Variants in QSER1 observed in about 807,000 individuals in gnomAD.
QSER1 encodes the protein glutamine and serine rich 1, also known as glutamine and serine-rich protein 1.
In QSER1, 49 loss-of-function variants were observed where a neutral mutation model predicts 158.5. That is an observed-to-expected ratio of 0.31 (90% CI 0.25 to 0.39). The LOEUF is 0.39. QSER1 is among the 10% of genes least tolerant of loss of function. The pLI is 1.00. For missense variants in QSER1, 1,754 were observed against 2,010.3 expected (o/e 0.87, Z 2.44); for synonymous variants, 650 against 715.5 (o/e 0.91, Z 1.46).
At position 32,934,922 on chromosome 11, in the gene QSER1, C is replaced by T. The variant is rs1852122072; in HGVS notation, c.3664C>T (p.Leu1222=). 3 of 1,613,582 alleles carry T rather than the reference C, an allele frequency of 1.9e-6. No homozygotes were observed. The highest frequency in any genetic ancestry group is 2.7e-5 in the African/African-American group (2 of 74,854). ...KEEDNSNQKQ[L]KRPAQGKRQN... The stretch of plus-strand genomic sequence containing the variant: ...GGAAGACAACAGTAATCAGAAACAG[C>T]TGAAAAGACCTGCCCAAGGCAAACG... Residue 1222 remains leucine (L), a synonymous_variant, in exon 4 of 13, where the codon CTG becomes TTG. Coordinates refer to ENST00000650167, the MANE Select transcript of QSER1 (RefSeq NM_001076786.3).
At chr11:32,971,485 T>C (rs1035583992) in intron 10 of QSER1, among the ~76,000 whole-genome samples, 2 of 152,222 alleles carry the variant, frequency 1.3e-5, no homozygotes, top group African/African-American at 4.8e-5. Context: ...TCATCTCCAC[T>C]GACTTAGTGT....
Position 32,933,821 on chromosome 11 carries a change from C to G in QSER1, c.2563C>G (p.Leu855Val). Residue 855 changes from leucine to valine, a missense_variant, in exon 4 of 13, where the codon CTT becomes GTT. By Grantham distance (32) the Leu-to-Val change is conservative. Around this residue, in one of 2 missense-constraint regions of QSER1, gnomAD observed 1,707 missense variants for 1,919.6 expected, o/e 0.89. Coordinates refer to ENST00000650167, the MANE Select transcript of QSER1 (RefSeq NM_001076786.3). Reference sequence around the variant, plus strand: ...GGCATCTCTTCCTAATACACAGGTCCTTTTAGATTCTGCCTGTGATTTACA... The same window carrying G: ...GGCATCTCTTCCTAATACACAGGTCGTTTTAGATTCTGCCTGTGATTTACA... ...HQASLPNTQV[L>V]LDSACDLQIL... 6.2e-7 allele frequency: 1 copy of G among 1,613,608 alleles called. No homozygotes were observed. The highest frequency in any genetic ancestry group is 8.5e-7 in the Non-Finnish European group (1 of 1,179,858).
intron 1 of QSER1, among the ~76,000 whole-genome samples, chr11:32,905,769 G>A (rs181608621): frequency 6.6e-6 from 1 of 152,172 alleles, no homozygotes; most frequent in Admixed American, 6.6e-5. Context: ...TAGTATACCA[G>A]CTAATTAATC....
At chr11:32,971,920 G>A (rs1325290251) in intron 10 of QSER1, among the ~76,000 whole-genome samples, 3 of 151,868 alleles carry the variant, frequency 2.0e-5, no homozygotes, top group Non-Finnish European at 4.4e-5. Context: ...AAAATTAGCC[G>A]GGCGTGGTGT....
intron 12 of QSER1, among the ~76,000 whole-genome samples, chr11:32,976,024 A>G (rs1052338020): frequency 2.6e-5 from 4 of 152,330 alleles, no homozygotes; most frequent in Admixed American, 2.6e-4. Context: ...AGCAAAAGAG[A>G]AAGCAAAGAT....
rs1853015405 is a variant in QSER1 at position 32,978,549 on chromosome 11, A to G, written c.*2075A>G. ...ATCGATGTTTGAATTCACTAGCCAC[A>G]TTTTCTTCATGATATGCCTCGTGGC... On this transcript the variant is annotated 3_prime_UTR_variant, in exon 13 of 13. Coordinates refer to ENST00000650167, the MANE Select transcript of QSER1 (RefSeq NM_001076786.3). The G allele has an allele frequency of 6.6e-6, 1 of 152,190 alleles. No homozygotes were observed. Among genetic ancestry groups the G allele is most frequent in the Non-Finnish European group, 1.5e-5 (1 of 68,034 alleles). The allele number at this position is 152,190 out of a possible 1,614,324, so 9.4% of individuals were successfully genotyped here. A position where few individuals can be genotyped will look rare whatever the true frequency, so the allele number is the denominator to read the frequency against.
chr11:32,955,843 T>A (rs1852501816), intron 6 of QSER1, 145 bp from the exon 7 acceptor site: 1 of 640,578 alleles, frequency 1.6e-6, no homozygotes, highest in Non-Finnish European at 2.7e-6. Context: ...GAGCCTGGGA[T>A]CAGTTTTTGA....
Position 32,928,053 on chromosome 11 carries a change from C to T in QSER1, c.414C>T (p.Ser138=). The change falls in exon 3 of 13, where the codon TCC becomes TCT. Residue 138 remains serine (S), a synonymous_variant. Coordinates refer to ENST00000650167, the MANE Select transcript of QSER1 (RefSeq NM_001076786.3). The part of the protein sequence containing the change: ...SVMNFLSTAE[S]RTAQAAASGT... The stretch of plus-strand genomic sequence containing the variant: ...TGAATTTTCTGTCTACTGCTGAATC[C>T]CGAACTGCTCAGGCTGCTGCTTCAG... 1 of 1,613,482 alleles carries T rather than the reference C, an allele frequency of 6.2e-7. No homozygotes were observed. Among genetic ancestry groups the T allele is most frequent in the Non-Finnish European group, 8.5e-7 (1 of 1,179,586 alleles).
chr11:32,932,586 A>G lies in QSER1; in HGVS notation c.1328A>G (p.His443Arg). 1 of 1,614,178 alleles carries G rather than the reference A, an allele frequency of 6.2e-7. No individual in the cohort carries two copies. The highest frequency in any genetic ancestry group is 8.5e-7 in the Non-Finnish European group (1 of 1,180,024). ...VQTLSYSKPL[H>R]NQSSVISGQA... ...ACACTAAGCTATTCCAAACCTTTACATAATCAGAGTTCTGTAATATCGGGC... is the reference window on the plus strand; with the variant it reads ...ACACTAAGCTATTCCAAACCTTTACGTAATCAGAGTTCTGTAATATCGGGC... The change falls in exon 4 of 13, where the codon CAT (histidine) becomes CGT (arginine). Residue 443 changes from histidine to arginine, a missense_variant. By Grantham distance (29) the His-to-Arg change is conservative. Around this residue, in one of 2 missense-constraint regions of QSER1, gnomAD observed 1,707 missense variants for 1,919.6 expected, o/e 0.89. Coordinates refer to ENST00000650167, the MANE Select transcript of QSER1 (RefSeq NM_001076786.3).
intron 4 of QSER1, among the ~76,000 whole-genome samples, chr11:32,945,567 C>T (rs1400358063): frequency 6.6e-6 from 1 of 152,108 alleles, no homozygotes; most frequent in Non-Finnish European, 1.5e-5. Context: ...TATTGGCCCC[C>T]ACTCTCTTCT....
At chr11:32,894,738 A>G (rs1851533415) in intron 1 of QSER1, among the ~76,000 whole-genome samples, 1 of 152,258 alleles carries the variant, frequency 6.6e-6, no homozygotes, top group African/African-American at 2.4e-5. Context: ...AGTTAACAAA[A>G]ATAATGTGAT....
rs554712911 is a variant in QSER1, at chr11:32,893,838, G to A, written c.209+504G>A. On this transcript the variant is annotated intron_variant, in intron 1 of 12. Transcript: ENST00000650167. This position sits in a 1 kb window ranked among gnomAD's most constrained non-coding sequence, Gnocchi z 4.7. ...CGGAGACACTGGGGGGCCCGGGAGGGCTGGGCTACGGGAGAATCCCCGGGG... is the reference window on the plus strand; with the variant it reads ...CGGAGACACTGGGGGGCCCGGGAGGACTGGGCTACGGGAGAATCCCCGGGG... Among the ~76,000 whole-genome samples, 382 of 152,316 alleles carry A rather than the reference G, an allele frequency of 2.5e-3. 4 individuals carry two copies. Among genetic ancestry groups the A allele is most frequent in the African/African-American group, 9.0e-3 (373 of 41,576 alleles).
intron 4 of QSER1, among the ~76,000 whole-genome samples, chr11:32,947,543 T>C (rs1852356644): frequency 6.6e-6 from 1 of 152,160 alleles, no homozygotes; most frequent in African/African-American, 2.4e-5. Flanking sequence ...CCAGCAAATA[T>C]AAAAGGGAGT....
Position 32,928,108 on chromosome 11 carries a change from C to G in QSER1, c.469C>G (p.Pro157Ala), listed in dbSNP as rs1028060839. ...GTTLLPQFRA[P>A]SWQTGMHSSA... Reference sequence around the variant, plus strand: ...TACTCTCTTACCACAATTCAGGGCTCCATCCTGGCAGACAGGTGATTTTCT... The same window carrying G: ...TACTCTCTTACCACAATTCAGGGCTGCATCCTGGCAGACAGGTGATTTTCT... The change falls in exon 3 of 13, where the codon CCA becomes GCA. Residue 157 changes from proline (P) to alanine (A), a missense_variant. Around this residue, in one of 2 missense-constraint regions of QSER1, gnomAD observed 1,707 missense variants for 1,919.6 expected, o/e 0.89. Transcript: ENST00000650167. 6.2e-7 allele frequency: 1 copy of G among 1,610,326 alleles called. No homozygotes were observed. The highest frequency in any genetic ancestry group is 8.5e-7 in the Non-Finnish European group (1 of 1,176,646).
chr11:32,956,709 A>C (rs996193940), intron 7 of QSER1, among the ~76,000 whole-genome samples: 7 of 152,080 alleles, frequency 4.6e-5, no homozygotes, highest in African/African-American at 1.7e-4. Flanking sequence ...ATTCCCACCT[A>C]CTGGAAGCAG....
chr11:32,934,711 G>A lies in QSER1; in HGVS notation c.3453G>A (p.Glu1151=). Residue 1151 remains glutamate (E), a synonymous_variant, in exon 4 of 13, where the codon GAG becomes GAA. Transcript: ENST00000650167. ...TAAGTGGAGAGAATGCTACATCAGA[G>A]AGTGAATTTACCTTAGGGGGTGACG... ...RSISGENATS[E]SEFTLGGDDS... The A allele has an allele frequency of 6.2e-7, 1 of 1,613,774 alleles. No individual in the cohort carries two copies. The highest frequency in any genetic ancestry group is 8.5e-7 in the Non-Finnish European group (1 of 1,179,876).
chr11:32,901,491 T>C (rs1252356521), intron 1 of QSER1, among the ~76,000 whole-genome samples: 1 of 152,176 alleles, frequency 6.6e-6, no homozygotes, highest in East Asian at 1.9e-4. Flanking sequence ...TAATGTTGCA[T>C]AGTGGAATAA....
chr11:32,955,331 T>G lies in QSER1; in HGVS notation c.4536T>G (p.Ile1512Met). The change falls in exon 6 of 13, where the codon ATT becomes ATG. Residue 1512 changes from isoleucine to methionine, a missense_variant. Around this residue, in one of 2 missense-constraint regions of QSER1, gnomAD observed 1,707 missense variants for 1,919.6 expected, o/e 0.89. Transcript: ENST00000650167. ...ALKTGKEPPAIWKVQKALLQK... is the reference protein window; with the variant it reads ...ALKTGKEPPAMWKVQKALLQK... ...AAACAGGAAAAGAACCTCCAGCTATTTGGAAAGTACAAAAAGCTTTATTAC... is the reference window on the plus strand; with the variant it reads ...AAACAGGAAAAGAACCTCCAGCTATGTGGAAAGTACAAAAAGCTTTATTAC... 3 of 1,597,500 alleles carry G rather than the reference T, an allele frequency of 1.9e-6. No homozygotes were observed. The highest frequency in any genetic ancestry group is 2.6e-6 in the Non-Finnish European group (3 of 1,174,354).
In QSER1 at chr11:32,934,783, G is replaced by A; in HGVS notation, c.3525G>A (p.Leu1175=). The change falls in exon 4 of 13, where the codon TTG becomes TTA. Residue 1175 remains leucine (L), a synonymous_variant. Coordinates refer to ENST00000650167, the MANE Select transcript of QSER1 (RefSeq NM_001076786.3). ...MNPARSALAL[L]AMAQSGDAVS... is the part of the protein sequence containing the mutation. ...CAGCTAGGAGTGCACTTGCACTGTT[G>A]GCCATGGCCCAATCTGGGGATGCAG... 6.2e-7 allele frequency: 1 copy of A among 1,613,998 alleles called. No homozygotes were observed. Among genetic ancestry groups the A allele is most frequent in the African/African-American group, 1.3e-5 (1 of 75,022 alleles).
Sources: gnomAD v4.1 joint callset for allele counts (sites outside exome capture counted in the v4.1 genomes callset) on GRCh38, gnomAD v4.1.1 for gene constraint, gnomAD v4.1.1 regional missense constraint, Gnocchi (gnomAD v3.1) non-coding constraint, MANE v1.5 for transcripts, NCBI Gene and HGNC (gene_info 2026-07-23, HGNC 2026-07-21) for gene names.